The following AKAP3 variants were observed in gnomAD, a reference collection of about 807,000 sequenced individuals.
AKAP3 encodes the protein A-kinase anchoring protein 3.
AKAP3 carries 27 observed loss-of-function variants against 57.2 expected under a neutral mutation model. The ratio of observed to expected loss-of-function variants is 0.47; its 90% CI spans 0.35 to 0.65. The LOEUF is 0.65. Ranked by LOEUF, AKAP3 falls within the 30% of genes least tolerant of loss-of-function variation. AKAP3 has a pLI of 0.01. For missense variants in AKAP3, 959 were observed against 1,040.0 expected (o/e 0.92, Z 1.07); for synonymous variants, 334 against 392.3 (o/e 0.85, Z 1.76).
At chr12:4,632,592 C>G (rs542135868) in intron 4 of AKAP3, among the ~76,000 whole-genome samples, 2 of 152,224 alleles carry the variant, frequency 1.3e-5, no homozygotes, top group South Asian at 4.2e-4. Context: ...GGCTTGACTT[C>G]CTAATCTCAG....
At chr12:4,619,763 ATATC>A (rs1291081426) in intron 5 of AKAP3, among the ~76,000 whole-genome samples, 2 of 152,224 alleles carry the variant, frequency 1.3e-5, no homozygotes, top group Non-Finnish European at 1.5e-5. Flanking sequence ...AACCATCTAA[ATATC>A]TATTATCTGA....
intron 5 of AKAP3, among the ~76,000 whole-genome samples, chr12:4,621,775 G>A (rs1025654948): frequency 6.6e-6 from 1 of 152,124 alleles, no homozygotes; most frequent in Non-Finnish European, 1.5e-5. Context: ...ACATGGGAAA[G>A]TTTTGCTAAT....
intron 4 of AKAP3, among the ~76,000 whole-genome samples, chr12:4,629,056 G>T (rs564432850): frequency 9.2e-5 from 14 of 152,172 alleles, no homozygotes; most frequent in Non-Finnish European, 2.1e-4. Flanking sequence ...TCTTTTTACA[G>T]AGGAGGAAAT....
intron 1 of AKAP3, among the ~76,000 whole-genome samples, chr12:4,646,390 G>A (rs137891290): frequency 6.6e-6 from 1 of 152,046 alleles, no homozygotes; most frequent in African/African-American, 2.4e-5. Context: ...GTTATTTATC[G>A]CTGGGCACAG....
At chr12:4,643,860 T>A (rs1945666546) in intron 2 of AKAP3, among the ~76,000 whole-genome samples, 1 of 152,240 alleles carries the variant, frequency 6.6e-6, no homozygotes, top group South Asian at 2.1e-4. Context: ...CCAAGGTTCC[T>A]AAACTCATGT....
At chr12:4,622,318 A>G (rs1370380375) in intron 5 of AKAP3, among the ~76,000 whole-genome samples, 1 of 152,176 alleles carries the variant, frequency 6.6e-6, no homozygotes, top group African/African-American at 2.4e-5. Context: ...GCCTGCCAAC[A>G]GCCAAGGCAC....
At chr12:4,638,733 G>C (rs144021275) in intron 3 of AKAP3, among the ~76,000 whole-genome samples, 1 of 152,192 alleles carries the variant, frequency 6.6e-6, no homozygotes, top group Non-Finnish European at 1.5e-5. Context: ...CATTAGCCAA[G>C]GATCCTGGGG....
intron 3 of AKAP3, among the ~76,000 whole-genome samples, chr12:4,639,268 A>G (rs1037319778): frequency 1.3e-5 from 2 of 152,118 alleles, no homozygotes; most frequent in East Asian, 1.9e-4. Context: ...CTCTTTTTCT[A>G]TGCCAGACTT....
At chr12:4,616,073 A>G (rs1417170138) in intron 5 of AKAP3, among the ~76,000 whole-genome samples, 179 bp from the exon 6 acceptor site, 2 of 152,250 alleles carry the variant, frequency 1.3e-5, no homozygotes, top group Non-Finnish European at 2.9e-5. Flanking sequence ...AGTTTAAAGA[A>G]GAGATGTTAA....
At chr12:4,622,632 C>G (rs11615279) in intron 5 of AKAP3, among the ~76,000 whole-genome samples, 51,224 of 151,922 alleles carry the variant, frequency 0.34, 9,073 homozygotes, top group East Asian at 0.67. Context: ...ATCAACTCAA[C>G]ATGGATTAAA....
intron 4 of AKAP3, chr12:4,631,311 T>C (rs1945494956): frequency 1.4e-6 from 1 of 701,278 alleles, no homozygotes; most frequent in Non-Finnish European, 2.6e-6. Context: ...GCATTTTTTG[T>C]CCATCTTAAG....
At chr12:4,636,853 G>A (rs931801170) in intron 4 of AKAP3, among the ~76,000 whole-genome samples, 2 of 152,044 alleles carry the variant, frequency 1.3e-5, no homozygotes, top group African/African-American at 4.8e-5. Context: ...GGGCTCAAGT[G>A]ATTCTCCTGC....
rs1426778516 is a variant in AKAP3, at chr12:4,627,364, G to T, written c.1538C>A (p.Pro513His). The change falls in exon 5 of 6, where the codon CCT becomes CAT. Residue 513 changes from proline to histidine, a missense_variant. By Grantham distance (77) the Pro-to-His change is moderately conservative. Coordinates refer to ENST00000228850, the MANE Select transcript of AKAP3 (RefSeq NM_001278309.2). ...LSLPPYPPEK[P>H]ENFMYDSDSW... ...GTCTGAATCATACATAAAATTCTCA[G>T]GTTTCTCTGGAGGATATGGAGGAAG... The T allele has an allele frequency of 6.2e-7, 1 of 1,614,068 alleles. No homozygotes were observed. The highest frequency in any genetic ancestry group is 8.5e-7 in the Non-Finnish European group (1 of 1,180,020).
intron 1 of AKAP3, among the ~76,000 whole-genome samples, chr12:4,646,708 T>C (rs549645852): frequency 2.0e-5 from 3 of 152,298 alleles, no homozygotes; most frequent in African/African-American, 7.2e-5. Flanking sequence ...TCTTTTATAT[T>C]GTCTCAAGAG....
intron 1 of AKAP3, among the ~76,000 whole-genome samples, chr12:4,646,303 A>C (rs751327550): frequency 3.3e-5 from 5 of 152,162 alleles, no homozygotes; most frequent in African/African-American, 4.8e-5. Context: ...AGAAATTCCA[A>C]GCATGGCCAC....
chr12:4,629,686 A>C (rs1318990036), intron 4 of AKAP3, among the ~76,000 whole-genome samples: 1 of 152,206 alleles, frequency 6.6e-6, no homozygotes, highest in Non-Finnish European at 1.5e-5. Context: ...TTAGCAGTTG[A>C]ACTGAATCAG....
rs200052477 is a variant in AKAP3 at position 4,626,962 on chromosome 12, G to A, written c.1940C>T (p.Pro647Leu). The A allele has an allele frequency of 1.2e-4, 197 of 1,614,012 alleles. No individual in the cohort carries two copies. Among genetic ancestry groups the A allele is most frequent in the Non-Finnish European group, 1.6e-4 (184 of 1,180,036 alleles). ...PPRLYEDDET[P>L]GALSGLTKMA... ...CTTGGTCAGCCCAGAAAGGGCACCA[G>A]GGGTCTCATCATCCTCATATAGCCT... Residue 647 changes from proline (P) to leucine (L), a missense_variant, in exon 5 of 6, where the codon CCT becomes CTT. Pro to Leu is a moderately conservative substitution (Grantham distance 98). Transcript: ENST00000228850.
In AKAP3 at chr12:4,649,044, A is replaced by C. The variant is rs542796416; in HGVS notation, c.-544T>G. 5 of 1,496,764 alleles carry C rather than the reference A, an allele frequency of 3.3e-6. No homozygotes were observed. The African/African-American group carries it at 5.5e-5, about 17-fold the overall frequency. 92.7% of individuals were successfully genotyped at this position (1,496,764 alleles called of 1,614,324 possible). On this transcript the variant is annotated 5_prime_UTR_variant, in exon 1 of 6. Transcript: ENST00000228850. The stretch of plus-strand genomic sequence containing the variant: ...GTCGTTTCTTGGTTAGCGCTTGCGC[A>C]GACAGGCGAGAAAGGTAAGTTTTGA...
chr12:4,648,305 T>C (rs950792832), intron 1 of AKAP3: 5 of 152,170 alleles, frequency 3.3e-5, no homozygotes, highest in Non-Finnish European at 5.9e-5. Flanking sequence ...GGCCACTAAA[T>C]TTGCATAATA....
Sources: allele counts gnomAD v4.1 joint callset (sites outside exome capture counted in the v4.1 genomes callset), GRCh38; gene constraint gnomAD v4.1.1; transcripts MANE v1.5; gene names NCBI Gene and HGNC (gene_info 2026-07-23, HGNC 2026-07-21).